Variants in DNAH7 observed in about 807,000 individuals in gnomAD.
The protein encoded by DNAH7 is axonemal beta dynein heavy chain 7.
Under a neutral mutation model 444.6 loss-of-function variants are expected in DNAH7, and 397 were observed. The observed-to-expected ratio is 0.89, with a 90% CI of 0.82 to 0.97. DNAH7 has a LOEUF of 0.97. Among genes scored for constraint, DNAH7 ranks in the 50% least tolerant of loss-of-function variants. The probability of loss-of-function intolerance (pLI) is 0.00; values close to 1 mark genes in which losing one functional copy is unlikely to be tolerated. For missense variants in DNAH7, 4,902 were observed against 4,800.8 expected (o/e 1.02, Z -0.62); for synonymous variants, 1,636 against 1,624.4 (o/e 1.01, Z -0.17).
Position 195,957,280 on chromosome 2 carries a change from A to ATTG in DNAH7, c.3058_3059insCAA (p.Asp1019_Ile1020insThr). The ATTG allele has an allele frequency of 1.3e-6, 2 of 1,563,942 alleles. No individual in the cohort carries two copies. Among genetic ancestry groups the ATTG allele is most frequent in the Non-Finnish European group, 1.7e-6 (2 of 1,146,020 alleles). On this transcript the variant is annotated inframe_insertion, in exon 19 of 65. Coordinates refer to ENST00000312428, the MANE Select transcript of DNAH7 (RefSeq NM_018897.3). ...ACCTACCTGCATGACACTTCTCATT[A>ATTG]TATCTCTCCATGTCTTATCCACAGC...
At chr2:195,849,656 C>T (rs1699230642) in intron 46 of DNAH7, among the ~76,000 whole-genome samples, 1 of 152,042 alleles carries the variant, frequency 6.6e-6, no homozygotes, top group South Asian at 2.1e-4. Context: ...GGCTGGAGTG[C>T]AGTGGCATGA....
chr2:195,948,626 T>G (rs1445227054), intron 19 of DNAH7, among the ~76,000 whole-genome samples: 1 of 152,134 alleles, frequency 6.6e-6, no homozygotes, highest in African/African-American at 2.4e-5. Context: ...ATTTCTGAGG[T>G]CTCTGTTCTG....
chr2:195,759,847 T>TA (rs996162985), intron 61 of DNAH7, among the ~76,000 whole-genome samples: 3 of 151,706 alleles, frequency 2.0e-5, no homozygotes, highest in South Asian at 2.1e-4. Context: ...GTGAGACCCT[T>TA]AAAAAAAATT....
At chr2:195,975,795 T>C (rs144793860) in intron 15 of DNAH7, among the ~76,000 whole-genome samples, 2 of 152,262 alleles carry the variant, frequency 1.3e-5, no homozygotes, top group African/African-American at 4.8e-5. Context: ...GGAAGACATT[T>C]CTAGACACAC....
At chr2:196,009,455 T>C (rs929113856) in intron 10 of DNAH7, among the ~76,000 whole-genome samples, 55 of 152,080 alleles carry the variant, frequency 3.6e-4, no homozygotes, top group African/African-American at 1.3e-3. Flanking sequence ...ACAAAAAAAG[T>C]CCCAAGGTTT....
At chr2:195,789,346 T>C (rs1176677753) in intron 57 of DNAH7, among the ~76,000 whole-genome samples, 1 of 152,088 alleles carries the variant, frequency 6.6e-6, no homozygotes, top group East Asian at 1.9e-4. Flanking sequence ...TGCCAATTAA[T>C]AGATAAACAA....
At chr2:195,741,361 G>T (rs1693020376) in intron 63 of DNAH7, among the ~76,000 whole-genome samples, 1 of 152,188 alleles carries the variant, frequency 6.6e-6, no homozygotes, top group Non-Finnish European at 1.5e-5. Flanking sequence ...ACTGCCAAGA[G>T]CTCTCCTTAG....
chr2:195,884,674 G>A lies in DNAH7; in HGVS notation c.5674C>T (p.Gln1892Ter). The change falls in exon 35 of 65, where the codon CAG becomes TAG. Residue 1892 changes from glutamine (Q) to a stop codon, truncating the protein, a stop_gained. Transcript: ENST00000312428. LOFTEE classifies it high-confidence loss of function. Reference protein sequence around the residue: ...SDRTRNTFKLQSGTEQTSSKA... With the variant: ...SDRTRNTFKL ...GAGGATGTTTGCTCAGTACCACTCT[G>A]TAATTTAAACGTATTTCGAGTTCGA... The A allele has an allele frequency of 6.2e-7, 1 of 1,614,142 alleles. No individual in the cohort carries two copies. Among genetic ancestry groups the A allele is most frequent in the Non-Finnish European group, 8.5e-7 (1 of 1,179,988 alleles).
In DNAH7 at chr2:195,857,412, C is replaced by G. The variant is rs370756610; in HGVS notation, c.8379G>C (p.Leu2793=). ...IRNASTAAEG[L]CKWVIAMDSY... The stretch of plus-strand genomic sequence containing the variant: ...AATCCATTGCTATGACCCATTTGCA[C>G]AGACCTTCGGCCGCTGTAGAAGCAT... Residue 2793 remains leucine (L), a synonymous_variant, in exon 44 of 65, where the codon CTG becomes CTC. Coordinates refer to ENST00000312428, the MANE Select transcript of DNAH7 (RefSeq NM_018897.3). The G allele has an allele frequency of 1.9e-6, 3 of 1,604,974 alleles. No homozygotes were observed. The highest frequency in any genetic ancestry group is 2.5e-6 in the Non-Finnish European group (3 of 1,176,708).
At chr2:195,762,152 G>A (rs564270183) in intron 61 of DNAH7, among the ~76,000 whole-genome samples, 1 of 152,046 alleles carries the variant, frequency 6.6e-6, no homozygotes, top group Non-Finnish European at 1.5e-5. Flanking sequence ...CTTTGTTTAT[G>A]CAATCGGTTT....
intron 2 of DNAH7, among the ~76,000 whole-genome samples, chr2:196,054,904 C>T (rs1166984009): frequency 6.6e-6 from 1 of 152,184 alleles, no homozygotes; most frequent in Non-Finnish European, 1.5e-5. Flanking sequence ...TTGTAAGTTT[C>T]CTGAGGCCTC....
At chr2:195,972,925 T>C (rs1328669313) in intron 15 of DNAH7, among the ~76,000 whole-genome samples, 1 of 152,152 alleles carries the variant, frequency 6.6e-6, no homozygotes, top group East Asian at 1.9e-4. Context: ...AGAACAAATG[T>C]AAAACTTCGA....
At position 195,864,585 on chromosome 2, in the gene DNAH7, A is replaced by T. The variant is rs963674536; in HGVS notation, c.7070T>A (p.Met2357Lys). The part of the protein sequence containing the change: ...RQSVTRLAAH[M>K]ADYSVFQVEI... The stretch of plus-strand genomic sequence containing the variant: ...AACTTGGAAAACTGAATAATCAGCC[A>T]TGTGGGCAGCTAATCTGGTGACAGA... The change falls in exon 41 of 65, where the codon ATG becomes AAG. Residue 2357 changes from methionine (M) to lysine (K), a missense_variant. Physicochemically the swap from Met to Lys is moderately conservative, Grantham distance 95 (BLOSUM62 -1). Transcript: ENST00000312428. The T allele has an allele frequency of 3.1e-6, 5 of 1,614,188 alleles. No homozygotes were observed. Among genetic ancestry groups the T allele is most frequent in the Non-Finnish European group, 3.4e-6 (4 of 1,180,034 alleles).
At chr2:196,047,664 T>C (rs539871848) in intron 4 of DNAH7, among the ~76,000 whole-genome samples, 165 bp from the exon 5 acceptor site, 1 of 151,632 alleles carries the variant, frequency 6.6e-6, no homozygotes, top group Non-Finnish European at 1.5e-5. Context: ...GTTAAACTAC[T>C]CCTCTTTTGT....
At chr2:195,998,928 A>C (rs1189616908) in intron 12 of DNAH7, 1 of 513,410 alleles carries the variant, frequency 1.9e-6, no homozygotes, top group East Asian at 2.9e-5. Flanking sequence ...AAATGAGAGA[A>C]AGCATGAGTT....
chr2:195,891,643 G>A lies in DNAH7; in HGVS notation c.5046+12C>T, dbSNP rs79554680. The A allele has an allele frequency of 5.4e-3, 8,513 of 1,567,626 alleles. 181 individuals are homozygous for A. The East Asian group carries it at 0.059, about 11-fold the overall frequency. ...CCTTTTAAGATATGCATGTGAAAGT[G>A]TTAGAACTTACCACTGAAGAGGCAA... On this transcript the variant is annotated intron_variant, in intron 31 of 64. Transcript: ENST00000312428.
intron 17 of DNAH7, among the ~76,000 whole-genome samples, chr2:195,969,124 G>A (rs1228796914): frequency 6.6e-6 from 1 of 152,230 alleles, no homozygotes; most frequent in Non-Finnish European, 1.5e-5. Context: ...TCTTATGAAG[G>A]TGATTTTCTG....
intron 61 of DNAH7, among the ~76,000 whole-genome samples, chr2:195,768,993 G>A (rs1694715727): frequency 6.6e-6 from 1 of 152,126 alleles, no homozygotes; most frequent in Non-Finnish European, 1.5e-5. Context: ...GTCTTTCACT[G>A]AGATATTGGA....
intron 10 of DNAH7, among the ~76,000 whole-genome samples, chr2:196,011,071 A>G (rs1305038841): frequency 1.3e-5 from 2 of 152,172 alleles, no homozygotes; most frequent in East Asian, 1.9e-4. Context: ...GATAGAAGGA[A>G]TAAGTTCTGG....
Sources: gnomAD v4.1 joint callset for allele counts (sites outside exome capture counted in the v4.1 genomes callset) on GRCh38, gnomAD v4.1.1 for gene constraint, MANE v1.5 for transcripts, NCBI Gene and HGNC (gene_info 2026-07-23, HGNC 2026-07-21) for gene names.